Variants in DLX1 observed in about 807,000 individuals in gnomAD.
DLX1 encodes the protein distal-less homeobox 1, also known as homeobox protein DLX-1.
In DLX1, 7 loss-of-function variants were observed where a neutral mutation model predicts 25.0. The ratio of observed to expected loss-of-function variants is 0.28; its 90% CI spans 0.16 to 0.52. The LOEUF is 0.52. Ranked by LOEUF, DLX1 falls within the 20% of genes least tolerant of loss-of-function variation. The probability of loss-of-function intolerance (pLI) is 0.96; values close to 1 mark genes in which losing one functional copy is unlikely to be tolerated. For synonymous variants in DLX1, 155 were observed against 140.3 expected, an observed-to-expected ratio of 1.10 and a Z score of -0.74; for missense variants, 233 against 334.4, an observed-to-expected ratio of 0.70 and a Z score of 2.37.
intron 1 of DLX1, 162 bp downstream of exon 1, chr2:172,086,152 T>C (rs2105518773): frequency 6.0e-6 from 4 of 671,300 alleles, no homozygotes; most frequent in Middle Eastern, 8.3e-4. Context: ...GTTTCGAATA[T>C]CAATCTATAG....
At chr2:172,086,297 C>T (rs1217394998) in intron 1 of DLX1, 3 of 469,866 alleles carry the variant, frequency 6.4e-6, no homozygotes, top group African/African-American at 2.0e-5. Context: ...CACAATGCCC[C>T]GCTGGAAAAC....
At position 172,085,975 on chromosome 2, in the gene DLX1, C is replaced by T. The variant is rs769673494; in HGVS notation, c.298C>T (p.Arg100Cys). The change falls in exon 1 of 3, where the codon CGC becomes TGC. Residue 100 changes from arginine to cysteine, a missense_variant. By Grantham distance (180) the Arg-to-Cys change is radical (BLOSUM62 -3). This residue lies in a region of DLX1 where 126 missense variants were observed against 170.4 expected (regional missense o/e 0.74). Transcript: ENST00000361725. The surrounding 1 kb of genome is among the most constrained non-coding windows in gnomAD (Gnocchi z 4.3). ...GGGCAGCGCCAGCCTCGCCCAGAGC[C>T]GCCTGGAGGACCCAGGTACGTGCGC... ...YPGSASLAQS[R>C]LEDPGADSEK... 5 of 1,612,532 alleles carry T rather than the reference C, an allele frequency of 3.1e-6. No individual in the cohort carries two copies. The highest frequency in any genetic ancestry group is 8.5e-7 in the Non-Finnish European group (1 of 1,179,098).
chr2:172,088,196 G>A lies in DLX1; in HGVS notation c.707G>A (p.Ser236Asn), dbSNP rs752100178. 3 of 1,606,690 alleles carry A rather than the reference G, an allele frequency of 1.9e-6. No individual in the cohort carries two copies. The highest frequency in any genetic ancestry group is 2.6e-6 in the Non-Finnish European group (3 of 1,176,256). ...SGGNAGSYIP[S>N]YTSWYPSAHQ... Reference sequence around the variant, plus strand: ...GGAAACGCGGGCTCCTATATCCCCAGCTACACATCGTGGTACCCTTCAGCG... The same window carrying A: ...GGAAACGCGGGCTCCTATATCCCCAACTACACATCGTGGTACCCTTCAGCG... Residue 236 changes from serine to asparagine, a missense_variant, in exon 3 of 3, where the codon AGC becomes AAC. By Grantham distance (46) the Ser-to-Asn change is conservative. Coordinates refer to ENST00000361725, the MANE Select transcript of DLX1 (RefSeq NM_178120.5).
intron 2 of DLX1, chr2:172,087,704 C>T (rs1000154622): frequency 9.8e-6 from 6 of 609,202 alleles, no homozygotes; most frequent in Non-Finnish European, 1.8e-5. Context: ...CACGGTCGGA[C>T]TGAGCCCCTG....
At position 172,088,498 on chromosome 2, in the gene DLX1, T is replaced by C; in HGVS notation, c.*241T>C. 2 of 424,006 alleles carry C rather than the reference T, an allele frequency of 4.7e-6. No individual in the cohort carries two copies. Among genetic ancestry groups the C allele is most frequent in the Non-Finnish European group, 8.0e-6 (2 of 250,842 alleles). The allele number at this position is 424,006 out of a possible 1,614,324, so 26.3% of individuals were successfully genotyped here. A position where few individuals can be genotyped will look rare whatever the true frequency, so the allele number is the denominator to read the frequency against. On this transcript the variant is annotated 3_prime_UTR_variant, in exon 3 of 3. Transcript: ENST00000361725. The stretch of plus-strand genomic sequence containing the variant: ...GAGAGTGGCCTCGGAGGGAAGCCAC[T>C]GCCACCTGAGACAGCCCAAGCAGCA...
chr2:172,086,820 G>A lies in DLX1; in HGVS notation c.480G>A (p.Glu160=), dbSNP rs751903911. Reference sequence around the variant, plus strand: ...ACCTAGCTCTGCCGGAGAGGGCGGAGCTCGCGGCCTCTTTGGGACTCACAC... The same window carrying A: ...ACCTAGCTCTGCCGGAGAGGGCGGAACTCGCGGCCTCTTTGGGACTCACAC... ...TQYLALPERA[E]LAASLGLTQT... is the part of the protein sequence containing the mutation. Residue 160 remains glutamate (E), a synonymous_variant, in exon 2 of 3, where the codon GAG becomes GAA. Transcript: ENST00000361725. The A allele has an allele frequency of 1.2e-6, 2 of 1,614,282 alleles. No homozygotes were observed. The highest frequency in any genetic ancestry group is 8.5e-7 in the Non-Finnish European group (1 of 1,180,050).
intron 2 of DLX1, chr2:172,087,503 C>T (rs1574156355): frequency 4.4e-6 from 2 of 458,552 alleles, no homozygotes; most frequent in Non-Finnish European, 8.7e-6. Context: ...AAGAGAAGTT[C>T]AGCAAAACCT....
chr2:172,088,574 C>A lies in DLX1; in HGVS notation c.*317C>A. The A allele has an allele frequency of 3.1e-6, 1 of 326,252 alleles. No individual in the cohort carries two copies. Among genetic ancestry groups the A allele is most frequent in the Non-Finnish European group, 5.6e-6 (1 of 179,632 alleles). 20.2% of individuals were successfully genotyped at this position (326,252 alleles called of 1,614,324 possible). On this transcript the variant is annotated 3_prime_UTR_variant, in exon 3 of 3. Transcript: ENST00000361725. ...CCGACCTTCAGCTTTGTGGGACTAT[C>A]AGGAAAAAACAAAACAAAAACAAAA... is the stretch of plus-strand genomic sequence containing the variant.
chr2:172,087,316 C>A, intron 2 of DLX1: 1 of 371,598 alleles, frequency 2.7e-6, no homozygotes, highest in Non-Finnish European at 5.3e-6. Context: ...TCTCACCTCT[C>A]AAGTCCCAGA....
Position 172,085,603 on chromosome 2 carries a change from G to C in DLX1, c.-75G>C. On this transcript the variant is annotated 5_prime_UTR_variant, in exon 1 of 3. Coordinates refer to ENST00000361725, the MANE Select transcript of DLX1 (RefSeq NM_178120.5). The surrounding 1 kb of genome is among the most constrained non-coding windows in gnomAD (Gnocchi z 4.3). ...TTCCGCTTAAATTGGGTTCCTTCCT[G>C]TCCTGAGAAACATAGAGACCCCCAA... The C allele has an allele frequency of 6.7e-7, 1 of 1,484,736 alleles. No homozygotes were observed. The highest frequency in any genetic ancestry group is 9.1e-7 in the Non-Finnish European group (1 of 1,096,944). The allele number at this position is 1,484,736 out of a possible 1,614,324, so 92.0% of individuals were successfully genotyped here. A position where few individuals can be genotyped will look rare whatever the true frequency, so the allele number is the denominator to read the frequency against.
At position 172,089,570 on chromosome 2, in the gene DLX1, GT is replaced by G. The variant is rs1690936249; in HGVS notation, c.*1317del. 6.6e-6 allele frequency: 1 copy of G among 152,602 alleles called. No individual in the cohort carries two copies. Among genetic ancestry groups the G allele is most frequent in the African/African-American group, 2.4e-5 (1 of 41,436 alleles). The allele number at this position is 152,602 out of a possible 1,614,324, so 9.5% of individuals were successfully genotyped here. On this transcript the variant is annotated 3_prime_UTR_variant, in exon 3 of 3. Coordinates refer to ENST00000361725, the MANE Select transcript of DLX1 (RefSeq NM_178120.5). ...TTTGTGTTCTCTATGTCAAAGTTTA[GT>G]TTTATATTGAGAATGTTAACTTATT...
chr2:172,086,914 G>A (rs759891719), intron 2 of DLX1, 61 bp downstream of exon 2: 1 of 1,570,750 alleles, frequency 6.4e-7, no homozygotes, highest in African/African-American at 1.4e-5. Context: ...CCTGCGCCCG[G>A]GTCTTCATTT....
intron 2 of DLX1, 60 bp downstream of exon 2, chr2:172,086,913 G>A (rs1559028382): frequency 6.4e-7 from 1 of 1,570,916 alleles, no homozygotes. Flanking sequence ...GCCTGCGCCC[G>A]GGTCTTCATT....
At chr2:172,086,894 C>T in intron 2 of DLX1, 41 bp downstream of exon 2, 1 of 1,607,264 alleles carries the variant, frequency 6.2e-7, no homozygotes, top group Non-Finnish European at 8.5e-7. Context: ...CGCAGGCTTT[C>T]CGCGGCCGGC....
intron 2 of DLX1, chr2:172,087,442 C>T: frequency 2.3e-6 from 1 of 432,472 alleles, no homozygotes; most frequent in Non-Finnish European, 4.7e-6. Context: ...GGATTTGGAG[C>T]AGAGCTGGAG....
intron 2 of DLX1, 141 bp downstream of exon 2, chr2:172,086,994 C>A (rs988370928): frequency 8.1e-6 from 7 of 864,428 alleles, no homozygotes; most frequent in South Asian, 5.5e-5. Flanking sequence ...TGGCTCTCAG[C>A]GTGTCTCCTT....
In DLX1 at chr2:172,086,863, C is replaced by T. The variant is rs778591902; in HGVS notation, c.513+10C>T. The T allele has an allele frequency of 1.2e-6, 2 of 1,614,142 alleles. No homozygotes were observed. The highest frequency in any genetic ancestry group is 1.7e-6 in the Non-Finnish European group (2 of 1,179,978). On this transcript the variant is annotated intron_variant, in intron 2 of 2. Coordinates refer to ENST00000361725, the MANE Select transcript of DLX1 (RefSeq NM_178120.5). The stretch of plus-strand genomic sequence containing the variant: ...ACTCACACAGACTCAGGTACCTCGC[C>T]GCTGCCGCTCCGTTCTGCCACGCAG...
In DLX1 at chr2:172,085,948, C is replaced by G. The variant is rs780725545; in HGVS notation, c.271C>G (p.Pro91Ala). The G allele has an allele frequency of 1.2e-6, 2 of 1,613,962 alleles. No individual in the cohort carries two copies. Among genetic ancestry groups the G allele is most frequent in the African/African-American group, 2.7e-5 (2 of 75,054 alleles). The change falls in exon 1 of 3, where the codon CCG becomes GCG. Residue 91 changes from proline (P) to alanine (A), a missense_variant. Physicochemically the swap from Pro to Ala is conservative, Grantham distance 27. Transcript: ENST00000361725. This position sits in a 1 kb window ranked among gnomAD's most constrained non-coding sequence, Gnocchi z 4.3. ...CTACATCAGTTCGGTGCAGTCCTAC[C>G]CGGGCAGCGCCAGCCTCGCCCAGAG... ...SPYISSVQSYPGSASLAQSRL... is the reference protein window; with the variant it reads ...SPYISSVQSYAGSASLAQSRL...
At position 172,088,172 on chromosome 2, in the gene DLX1, G is replaced by T. The variant is rs960341904; in HGVS notation, c.683G>T (p.Gly228Val). 6.8e-6 allele frequency: 11 copies of T among 1,610,010 alleles called. No homozygotes were observed. The highest frequency in any genetic ancestry group is 8.5e-6 in the Non-Finnish European group (10 of 1,177,994). Residue 228 changes from glycine to valine, a missense_variant, in exon 3 of 3, where the codon GGA becomes GTA. Gly to Val is a moderately radical substitution (Grantham distance 109). Around this residue, in one of 3 missense-constraint regions of DLX1, gnomAD observed 84 missense variants for 81.8 expected, o/e 1.03. Coordinates refer to ENST00000361725, the MANE Select transcript of DLX1 (RefSeq NM_178120.5). The stretch of plus-strand genomic sequence containing the variant: ...TCTTCATCCGGGAAGGGCTCAGGAG[G>T]AAACGCGGGCTCCTATATCCCCAGC... ...PNSSSGKGSG[G>V]NAGSYIPSYT...
Sources: allele counts gnomAD v4.1 joint callset, GRCh38; gene constraint gnomAD v4.1.1; regional missense constraint gnomAD v4.1.1; non-coding constraint Gnocchi (gnomAD v3.1); transcripts MANE v1.5; gene names NCBI Gene and HGNC (gene_info 2026-07-23, HGNC 2026-07-21).